GPAT3: variants seen among roughly 807,000 people sequenced by gnomAD.
GPAT3 encodes glycerol-3-phosphate acyltransferase 3.
In GPAT3, 53 loss-of-function variants were observed where a neutral mutation model predicts 58.8. The ratio of observed to expected loss-of-function variants is 0.90; its 90% confidence interval spans 0.72 to 1.13. GPAT3 has a LOEUF of 1.13. Among genes scored for constraint, GPAT3 ranks in the 50% most tolerant of loss-of-function variants. GPAT3 has a pLI of 0.00. For synonymous variants in GPAT3, 197 were observed against 187.4 expected (o/e 1.05, Z -0.42); for missense variants, 511 against 527.6 (o/e 0.97, Z 0.31).
intron 2 of GPAT3, among the ~76,000 whole-genome samples, chr4:83,569,989 G>A (rs1219423893): frequency 6.6e-6 from 1 of 152,216 alleles, no homozygotes; most frequent in Non-Finnish European, 1.5e-5. Context: ...CTCAAAGGTA[G>A]GAGAAATGCT....
chr4:83,545,786 C>G (rs986401697), intron 2 of GPAT3, among the ~76,000 whole-genome samples: 1 of 151,884 alleles, frequency 6.6e-6, no homozygotes, highest in African/African-American at 2.4e-5. Context: ...TATTCTGGTT[C>G]ATTAAAAAAT....
At chr4:83,583,908 G>A (rs772716903) in intron 3 of GPAT3, among the ~76,000 whole-genome samples, 36 of 151,546 alleles carry the variant, frequency 2.4e-4, no homozygotes, top group Non-Finnish European at 5.0e-4. Context: ...CCCGGGAGGC[G>A]GAGGTTGCAG....
intron 6 of GPAT3, among the ~76,000 whole-genome samples, chr4:83,590,885 CTTTTTTTT>C (rs5859882): frequency 5.2e-5 from 6 of 114,314 alleles, no homozygotes; most frequent in African/African-American, 1.6e-4. Context: ...GAATCATATT[CTTTTTTTT>C]TTTTTTTTTT....
chr4:83,546,909 TAGTACCAGGGGTATTA>T (rs1724541141), intron 2 of GPAT3, among the ~76,000 whole-genome samples: 1 of 152,120 alleles, frequency 6.6e-6, no homozygotes, highest in African/African-American at 2.4e-5. Flanking sequence ...CAGGGGTACT[TAGTACCAGGGGTATTA>T]AGTAAGGGGT....
intron 1 of GPAT3, among the ~76,000 whole-genome samples, chr4:83,538,021 T>C (rs988824713): frequency 6.6e-6 from 1 of 152,186 alleles, no homozygotes; most frequent in Non-Finnish European, 1.5e-5. Context: ...TATGAATGCT[T>C]GTTGCTATTA....
intron 2 of GPAT3, among the ~76,000 whole-genome samples, chr4:83,553,901 A>T (rs1331589204): frequency 6.6e-6 from 1 of 151,932 alleles, no homozygotes; most frequent in Non-Finnish European, 1.5e-5. Context: ...TAAATAAAAT[A>T]AAAAAATAAA....
chr4:83,545,009 C>G (rs1380896806), intron 2 of GPAT3, among the ~76,000 whole-genome samples: 4 of 152,138 alleles, frequency 2.6e-5, no homozygotes, highest in Non-Finnish European at 5.9e-5. Context: ...GTACTCTTTT[C>G]TGCTGAAGGC....
chr4:83,566,899 A>C (rs1392812216), intron 2 of GPAT3, among the ~76,000 whole-genome samples: 3 of 149,606 alleles, frequency 2.0e-5, no homozygotes, highest in Non-Finnish European at 4.4e-5. Context: ...TTTATATTTT[A>C]GTTGCTATTA....
At chr4:83,562,533 T>C (rs947832726) in intron 2 of GPAT3, among the ~76,000 whole-genome samples, 1 of 151,470 alleles carries the variant, frequency 6.6e-6, no homozygotes, top group African/African-American at 2.4e-5. Context: ...AGCAGTGGGA[T>C]TGGTGGAGTT....
rs368798800 is a variant in GPAT3 at position 83,581,659 on chromosome 4, G to T, written c.306G>T (p.Lys102Asn). The change falls in exon 3 of 12, where the codon AAG becomes AAT. Residue 102 changes from lysine (K) to asparagine (N), a missense_variant. Physicochemically the swap from Lys to Asn is moderately conservative, Grantham distance 94. Coordinates refer to ENST00000264409, the MANE Select transcript of GPAT3 (RefSeq NM_032717.5). Reference protein sequence around the residue: ...ELSDVFYFSKKGLEAIVEDEV... With the variant: ...ELSDVFYFSKNGLEAIVEDEV... ...CTGACGTGTTTTATTTCTCCAAGAAGGGATTGGAAGCCATTGTAGAAGATG... is the reference window on the plus strand; with the variant it reads ...CTGACGTGTTTTATTTCTCCAAGAATGGATTGGAAGCCATTGTAGAAGATG... 35 of 1,614,078 alleles carry T rather than the reference G, an allele frequency of 2.2e-5. No homozygotes were observed. Among genetic ancestry groups the T allele is most frequent in the Non-Finnish European group, 3.0e-5 (35 of 1,180,034 alleles).
At chr4:83,589,325 T>A (rs2110103865) in intron 5 of GPAT3, among the ~76,000 whole-genome samples, 1 of 152,324 alleles carries the variant, frequency 6.6e-6, no homozygotes, top group South Asian at 2.1e-4. Context: ...CAAATACTGG[T>A]TTCACTCTAG....
intron 4 of GPAT3, 128 bp downstream of exon 4, chr4:83,587,457 C>T (rs1336330145): frequency 1.4e-5 from 12 of 880,906 alleles, no homozygotes; most frequent in African/African-American, 3.4e-5. Flanking sequence ...GACGGAGTCT[C>T]GTACTGTCAC....
chr4:83,592,246 T>C (rs191267619), intron 6 of GPAT3, among the ~76,000 whole-genome samples: 2 of 152,304 alleles, frequency 1.3e-5, no homozygotes, highest in Admixed American at 1.3e-4. Context: ...GCAATTACAA[T>C]ATATTAGCCA....
chr4:83,590,958 C>T (rs1726577521), intron 6 of GPAT3, among the ~76,000 whole-genome samples: 1 of 143,742 alleles, frequency 7.0e-6, no homozygotes, highest in Non-Finnish European at 1.5e-5. Context: ...TCTTGCATCT[C>T]CTTTCTGTGT....
chr4:83,542,001 T>C (rs1430026359), intron 1 of GPAT3, among the ~76,000 whole-genome samples: 1 of 152,212 alleles, frequency 6.6e-6, no homozygotes, highest in African/African-American at 2.4e-5. Context: ...TTAGTCACTC[T>C]TTAAAGACCC....
intron 2 of GPAT3, among the ~76,000 whole-genome samples, chr4:83,547,038 T>C (rs910652408): frequency 1.3e-5 from 2 of 152,002 alleles, no homozygotes; most frequent in African/African-American, 4.8e-5. Context: ...TGAGTACTTG[T>C]GTGCTTGGCT....
rs993579803 is a variant in GPAT3, at chr4:83,605,619, C to G, written c.*852C>G. The stretch of plus-strand genomic sequence containing the variant: ...GTGTGTGGAGCTACCCCTCACCCTC[C>G]ACCCCTTTGTGCTTTTTATTCCCGA... On this transcript the variant is annotated 3_prime_UTR_variant, in exon 12 of 12. Transcript: ENST00000264409. The G allele has an allele frequency of 6.6e-6, 1 of 152,338 alleles. No homozygotes were observed. The highest frequency in any genetic ancestry group is 2.1e-4 in the South Asian group (1 of 4,822). The allele number at this position is 152,338 out of a possible 1,614,324, so 9.4% of individuals were successfully genotyped here.
In GPAT3 at chr4:83,536,702, T is replaced by C; in HGVS notation, c.80T>C (p.Val27Ala). 1 of 1,613,592 alleles carries C rather than the reference T, an allele frequency of 6.2e-7. No individual in the cohort carries two copies. Among genetic ancestry groups the C allele is most frequent in the Non-Finnish European group, 8.5e-7 (1 of 1,179,944 alleles). Residue 27 changes from valine to alanine, a missense_variant, in exon 1 of 12, where the codon GTC (valine) becomes GCC (alanine). Val to Ala is a moderately conservative substitution (Grantham distance 64). Coordinates refer to ENST00000264409, the MANE Select transcript of GPAT3 (RefSeq NM_032717.5). Reference protein sequence around the residue: ...LVLGFILLPSVFGVSLGISEI... With the variant: ...LVLGFILLPSAFGVSLGISEI... ...CTCGGCTTCATCCTTTTACCTTCGG[T>C]CTTCGGAGTGTCTCTGGGCATCTCC...
At chr4:83,575,570 G>C (rs548707631) in intron 2 of GPAT3, among the ~76,000 whole-genome samples, 1 of 151,862 alleles carries the variant, frequency 6.6e-6, no homozygotes, top group Non-Finnish European at 1.5e-5. Flanking sequence ...CCACCACCAC[G>C]CCTGGCTAAT....
Sources: gnomAD v4.1 joint callset for allele counts (sites outside exome capture counted in the v4.1 genomes callset) on GRCh38, gnomAD v4.1.1 for gene constraint, MANE v1.5 for transcripts, NCBI Gene and HGNC (gene_info 2026-07-23, HGNC 2026-07-21) for gene names.